Variants in SLC9C2 observed in about 807,000 individuals in gnomAD.
SLC9C2 encodes the protein solute carrier family 9 member C2 (putative).
SLC9C2 carries 75 observed loss-of-function variants against 140.2 expected under a neutral mutation model. The observed-to-expected ratio is 0.53, with a 90% CI of 0.44 to 0.65. The LOEUF (loss-of-function observed/expected upper bound fraction) is 0.65. SLC9C2 is among the 30% of genes least tolerant of loss of function. The pLI is 0.00. For synonymous variants in SLC9C2, 375 were observed against 420.9 expected (o/e 0.89, Z 1.34); for missense variants, 1,074 against 1,331.8 (o/e 0.81, Z 3.01).
chr1:173,501,350 G>C (rs1283482422), intron 27 of SLC9C2, among the ~76,000 whole-genome samples: 1 of 152,140 alleles, frequency 6.6e-6, no homozygotes, highest in African/African-American at 2.4e-5. Context: ...GTGGGTTTAA[G>C]AAGAAGAGAA....
chr1:173,509,643 A>G lies in SLC9C2; in HGVS notation c.2964T>C (p.Ser988=), dbSNP rs1291962838. 1 of 1,596,784 alleles carries G rather than the reference A, an allele frequency of 6.3e-7. No homozygotes were observed. The change falls in exon 24 of 28, where the codon TCT becomes TCC. Residue 988 remains serine (S), a synonymous_variant. Transcript: ENST00000367714. The stretch of plus-strand genomic sequence containing the variant: ...GCTTTAGCCATATTTTATATTCCAG[A>G]GATGGCCAGAAGGCATCAAAGCCTT... ...LYEGFDAFWP[S]LEYKIWLKLA...
rs187262068 is a variant in SLC9C2 at position 173,600,111 on chromosome 1, C to T, written c.228+6G>A. On this transcript the variant is annotated splice_donor_region_variant and intron_variant, in intron 3 of 27. Coordinates refer to ENST00000367714, the MANE Select transcript of SLC9C2 (RefSeq NM_178527.4). ...TTTATTCTCTAATTTATTGTACATA[C>T]AGTACCTCAACAGAATTGTAGGCCA... 2 of 1,575,834 alleles carry T rather than the reference C, an allele frequency of 1.3e-6. No homozygotes were observed. The highest frequency in any genetic ancestry group is 1.4e-5 in the African/African-American group (1 of 73,864).
chr1:173,519,543 T>C (rs1490323043), intron 22 of SLC9C2, among the ~76,000 whole-genome samples: 3 of 152,212 alleles, frequency 2.0e-5, no homozygotes, highest in African/African-American at 7.2e-5. Flanking sequence ...AAAGTACTAA[T>C]ATAACCTCTT....
chr1:173,542,879 C>A (rs923412850), intron 13 of SLC9C2, among the ~76,000 whole-genome samples: 3 of 152,064 alleles, frequency 2.0e-5, no homozygotes, highest in Non-Finnish European at 4.4e-5. Flanking sequence ...AAAAGCTATT[C>A]ATGACAAACC....
intron 19 of SLC9C2, among the ~76,000 whole-genome samples, chr1:173,525,981 C>G (rs961858831): frequency 4.6e-5 from 7 of 152,136 alleles, no homozygotes; most frequent in African/African-American, 7.2e-5. Context: ...GAAAGTGTAA[C>G]CCCATATGGC....
At chr1:173,503,459 C>T in intron 26 of SLC9C2, 133 bp from the exon 27 acceptor site, 1 of 793,672 alleles carries the variant, frequency 1.3e-6, no homozygotes, top group Non-Finnish European at 2.0e-6. Context: ...TCTCAAATGT[C>T]CCTGTTTTTC....
At chr1:173,540,957 A>G (rs183702746) in intron 13 of SLC9C2, among the ~76,000 whole-genome samples, 13 of 152,374 alleles carry the variant, frequency 8.5e-5, no homozygotes, top group Admixed American at 7.8e-4. Flanking sequence ...CTAAAGGGCA[A>G]ATTAACCAGT....
intron 13 of SLC9C2, among the ~76,000 whole-genome samples, chr1:173,543,410 G>T (rs1451257551): frequency 6.6e-6 from 1 of 152,162 alleles, no homozygotes; most frequent in Non-Finnish European, 1.5e-5. Context: ...AATCAATATC[G>T]TGAAAATGGC....
Position 173,509,685 on chromosome 1 carries a change from G to A in SLC9C2, c.2922C>T (p.Ser974=). ...CAAAGCCTTCATATAAATCCTCCAG[G>A]GAGATAAAGCAGGCCTGAAACAAAA... ...CETSLQACFI[S]LEDLYEGFDA... Residue 974 remains serine (S), a synonymous_variant, in exon 24 of 28, where the codon TCC becomes TCT. Coordinates refer to ENST00000367714, the MANE Select transcript of SLC9C2 (RefSeq NM_178527.4). 2 of 1,590,612 alleles carry A rather than the reference G, an allele frequency of 1.3e-6. No individual in the cohort carries two copies. Among genetic ancestry groups the A allele is most frequent in the Non-Finnish European group, 1.7e-6 (2 of 1,173,750 alleles).
intron 11 of SLC9C2, among the ~76,000 whole-genome samples, chr1:173,550,005 G>T (rs533732525): frequency 6.6e-6 from 1 of 152,288 alleles, no homozygotes; most frequent in African/African-American, 2.4e-5. Flanking sequence ...AAAGGGATTT[G>T]GTAGGAAGGA....
At chr1:173,538,559 C>A (rs1362123690) in intron 13 of SLC9C2, among the ~76,000 whole-genome samples, 2 of 151,818 alleles carry the variant, frequency 1.3e-5, no homozygotes, top group Non-Finnish European at 2.9e-5. Context: ...TATGATAAAA[C>A]AGGAAATTAA....
intron 8 of SLC9C2, among the ~76,000 whole-genome samples, chr1:173,575,733 C>T (rs61554547): frequency 0.16 from 25,029 of 151,974 alleles, 6,922 homozygotes; most frequent in African/African-American, 0.57. Flanking sequence ...CCTGCCACCA[C>T]GCCCGGCTAA....
intron 10 of SLC9C2, among the ~76,000 whole-genome samples, chr1:173,557,129 C>T (rs1571554521): frequency 1.3e-5 from 2 of 152,290 alleles, no homozygotes; most frequent in South Asian, 4.1e-4. Flanking sequence ...CCAAGTTTAT[C>T]TAATACCACA....
intron 7 of SLC9C2, among the ~76,000 whole-genome samples, chr1:173,579,022 T>C (rs904638869): frequency 1.1e-4 from 17 of 152,194 alleles, no homozygotes; most frequent in African/African-American, 4.1e-4. Flanking sequence ...AGCGCTGCCT[T>C]GAAGCTACAA....
At chr1:173,563,500 T>C (rs189994514) in intron 9 of SLC9C2, among the ~76,000 whole-genome samples, 50 of 152,212 alleles carry the variant, frequency 3.3e-4, no homozygotes, top group Admixed American at 1.0e-3. Flanking sequence ...TTTTAAATGA[T>C]AAAACAATAC....
chr1:173,534,200 A>G (rs1661785180), intron 16 of SLC9C2, among the ~76,000 whole-genome samples: 1 of 152,148 alleles, frequency 6.6e-6, no homozygotes, highest in Non-Finnish European at 1.5e-5. Context: ...ATTACACAAA[A>G]TATTTGAGGG....
intron 23 of SLC9C2, among the ~76,000 whole-genome samples, chr1:173,516,361 A>G (rs1389766601): frequency 1.3e-5 from 2 of 152,224 alleles, no homozygotes; most frequent in Non-Finnish European, 2.9e-5. Context: ...GGTTTGTTAC[A>G]TAGGTAAACT....
At chr1:173,543,759 AT>A (rs1267404030) in intron 13 of SLC9C2, among the ~76,000 whole-genome samples, 8 of 152,250 alleles carry the variant, frequency 5.3e-5, no homozygotes, top group Admixed American at 1.3e-4. Flanking sequence ...TGGGGAAAGG[AT>A]TCCCTATTTA....
intron 17 of SLC9C2, among the ~76,000 whole-genome samples, chr1:173,530,900 AT>A (rs553836193): frequency 5.3e-5 from 8 of 150,696 alleles, no homozygotes; most frequent in Admixed American, 1.3e-4. Flanking sequence ...AGAGAAGGGA[AT>A]TTTTTTTTTA....
Sources: allele counts gnomAD v4.1 joint callset (sites outside exome capture counted in the v4.1 genomes callset), GRCh38; gene constraint gnomAD v4.1.1; transcripts MANE v1.5; gene names NCBI Gene and HGNC (gene_info 2026-07-23, HGNC 2026-07-21).